The following ZYG11B variants were observed in gnomAD, a reference collection of about 807,000 sequenced individuals.
ZYG11B encodes zyg-11 family member B, cell cycle regulator.
Under a neutral mutation model 82.4 loss-of-function variants are expected in ZYG11B, and 36 were observed. That is an observed-to-expected ratio of 0.44 (90% CI 0.33 to 0.58). The LOEUF (loss-of-function observed/expected upper bound fraction) is 0.58. ZYG11B is among the 20% of genes least tolerant of loss of function. The pLI, the probability that ZYG11B is intolerant of heterozygous loss-of-function variation, is 0.02. For missense variants in ZYG11B, 552 were observed against 895.6 expected (o/e 0.62, Z 4.90); for synonymous variants, 303 against 312.8 (o/e 0.97, Z 0.33).
chr1:52,768,300 CA>C (rs1157547823), intron 2 of ZYG11B, among the ~76,000 whole-genome samples: 3 of 152,140 alleles, frequency 2.0e-5, no homozygotes, highest in Non-Finnish European at 4.4e-5. Context: ...AGAAAAAAAC[CA>C]GGAACTTTTC....
chr1:52,778,127 A>G (rs1409141901), intron 3 of ZYG11B, among the ~76,000 whole-genome samples: 3 of 152,158 alleles, frequency 2.0e-5, no homozygotes, highest in African/African-American at 7.2e-5. Flanking sequence ...TGACCCAACT[A>G]TTTAGGCACC....
chr1:52,794,343 A>C (rs1644988983), intron 6 of ZYG11B, among the ~76,000 whole-genome samples: 1 of 152,184 alleles, frequency 6.6e-6, no homozygotes, highest in Non-Finnish European at 1.5e-5. Flanking sequence ...CCAATTAGGA[A>C]TATATTGTAG....
intron 1 of ZYG11B, among the ~76,000 whole-genome samples, chr1:52,747,765 T>A (rs1210871582): frequency 6.6e-6 from 1 of 152,080 alleles, no homozygotes; most frequent in Non-Finnish European, 1.5e-5. Flanking sequence ...GAATCAGATA[T>A]AAAGGGCAGT....
rs774253018 is a variant in ZYG11B, at chr1:52,756,583, G to A, written c.156G>A (p.Gln52=). Residue 52 remains glutamine, a synonymous_variant, in exon 2 of 14, where the codon CAG becomes CAA. Coordinates refer to ENST00000294353, the MANE Select transcript of ZYG11B (RefSeq NM_024646.3). The part of the protein sequence containing the change: ...LCLQEPGVFP[Q]EVADRLLRTM... ...TGCAGGAACCTGGAGTATTCCCACA[G>A]GAGGTGGCTGATCGACTGCTTCGGA... is the stretch of plus-strand genomic sequence containing the variant. The A allele has an allele frequency of 6.2e-7, 1 of 1,613,912 alleles. No individual in the cohort carries two copies. Among genetic ancestry groups the A allele is most frequent in the Non-Finnish European group, 8.5e-7 (1 of 1,179,974 alleles).
intron 13 of ZYG11B, among the ~76,000 whole-genome samples, chr1:52,820,278 C>CA (rs1263911992): frequency 1.3e-5 from 2 of 151,800 alleles, no homozygotes; most frequent in Non-Finnish European, 2.9e-5. Flanking sequence ...GTCTCCAACT[C>CA]AGATAGTTTA....
At chr1:52,728,267 T>C (rs1644301524) in intron 1 of ZYG11B, among the ~76,000 whole-genome samples, 1 of 152,166 alleles carries the variant, frequency 6.6e-6, no homozygotes, top group Non-Finnish European at 1.5e-5. Flanking sequence ...AGTTTGAGAA[T>C]TGTTGTTTGG....
rs1191138861 is a variant in ZYG11B at position 52,779,879 on chromosome 1, G to A, written c.978G>A (p.Gln326=). Residue 326 remains glutamine (Q), a synonymous_variant, in exon 4 of 14, where the codon CAG becomes CAA. Coordinates refer to ENST00000294353, the MANE Select transcript of ZYG11B (RefSeq NM_024646.3). The part of the protein sequence containing the change: ...LKVSGEANET[Q]IAEALKRYSE... The stretch of plus-strand genomic sequence containing the variant: ...TGTCTGGGGAAGCCAATGAAACTCA[G>A]ATTGCAGAAGCACTGAAGCGTTACA... 2 of 1,614,108 alleles carry A rather than the reference G, an allele frequency of 1.2e-6. No homozygotes were observed. Among genetic ancestry groups the A allele is most frequent in the Middle Eastern group, 1.6e-4 (1 of 6,062 alleles).
intron 1 of ZYG11B, among the ~76,000 whole-genome samples, chr1:52,730,768 C>G (rs881198): frequency 6.6e-6 from 1 of 151,248 alleles, no homozygotes; most frequent in Non-Finnish European, 1.5e-5. Flanking sequence ...TCACTTGAGC[C>G]CAGCAGTTCA....
At chr1:52,764,312 T>G (rs1206132110) in intron 2 of ZYG11B, among the ~76,000 whole-genome samples, 1 of 151,664 alleles carries the variant, frequency 6.6e-6, no homozygotes, top group African/African-American at 2.4e-5. Context: ...TTTTTGTATT[T>G]TTAGTAGAGA....
At chr1:52,814,985 CCT>C (rs1442450112) in intron 12 of ZYG11B, among the ~76,000 whole-genome samples, 1 of 151,816 alleles carries the variant, frequency 6.6e-6, no homozygotes, top group Non-Finnish European at 1.5e-5. Context: ...TGTTGAAACC[CCT>C]GTCTCTACTG....
chr1:52,735,588 G>A (rs1032398182), intron 1 of ZYG11B, among the ~76,000 whole-genome samples: 2 of 151,954 alleles, frequency 1.3e-5, no homozygotes, highest in African/African-American at 2.4e-5. Flanking sequence ...CCAGACTGGA[G>A]TGCAGTGGCG....
At chr1:52,770,137 G>A (rs1454565048) in intron 2 of ZYG11B, among the ~76,000 whole-genome samples, 2 of 144,908 alleles carry the variant, frequency 1.4e-5, no homozygotes, top group Admixed American at 1.4e-4. Flanking sequence ...TGTCACCCAG[G>A]CTGGTGTGCA....
Position 52,736,598 on chromosome 1 carries a change from AC to A in ZYG11B, c.30+9917del, listed in dbSNP as rs1265291815. On this transcript the variant is annotated intron_variant, in intron 1 of 13. Transcript: ENST00000294353. Reference sequence around the variant, plus strand: ...CTCCTGAGTAGCTGGGATTACAGGCACCTGCCACCATGCCCAGCTAATTTTT... The same window carrying A: ...CTCCTGAGTAGCTGGGATTACAGGCACTGCCACCATGCCCAGCTAATTTTT... Among the ~76,000 whole-genome samples, 10 of 152,108 alleles carry A rather than the reference AC, an allele frequency of 6.6e-5. No homozygotes were observed. The South Asian group carries it at 1.7e-3, about 25-fold the overall frequency.
chr1:52,783,869 T>C (rs28406819), intron 4 of ZYG11B, among the ~76,000 whole-genome samples: 14,827 of 145,552 alleles, frequency 0.1, 1,986 homozygotes, highest in East Asian at 0.35. Flanking sequence ...TGTATGTACA[T>C]ACACGTGTGT....
At chr1:52,819,476 A>T (rs1016297089) in intron 13 of ZYG11B, among the ~76,000 whole-genome samples, 3 of 152,122 alleles carry the variant, frequency 2.0e-5, no homozygotes, top group Non-Finnish European at 4.4e-5. Context: ...GAGAAAATAA[A>T]ACATAATAAG....
intron 1 of ZYG11B, among the ~76,000 whole-genome samples, chr1:52,750,070 G>C (rs767044024): frequency 1.8e-4 from 28 of 152,018 alleles, no homozygotes; most frequent in Non-Finnish European, 4.0e-4. Context: ...TTCTAGTCTT[G>C]TGTTTACACT....
At chr1:52,778,513 T>TA (rs1558130830) in intron 3 of ZYG11B, among the ~76,000 whole-genome samples, 1 of 152,218 alleles carries the variant, frequency 6.6e-6, no homozygotes, top group Non-Finnish European at 1.5e-5. Flanking sequence ...TAATTAGACT[T>TA]ACGTTAGATC....
intron 1 of ZYG11B, among the ~76,000 whole-genome samples, chr1:52,732,639 C>T (rs984888717): frequency 3.2e-4 from 48 of 152,302 alleles, no homozygotes; most frequent in African/African-American, 1.1e-3. Flanking sequence ...GTGGCACACA[C>T]CAGTAGTCCC....
chr1:52,726,711 C>G, intron 1 of ZYG11B, 28 bp downstream of exon 1: 1 of 1,465,660 alleles, frequency 6.8e-7, no homozygotes, highest in Non-Finnish European at 9.0e-7. Flanking sequence ...GCCCTAGCCG[C>G]AGCCGCCCGC....
Sources: allele counts gnomAD v4.1 joint callset (sites outside exome capture counted in the v4.1 genomes callset), GRCh38; gene constraint gnomAD v4.1.1; transcripts MANE v1.5; gene names NCBI Gene and HGNC (gene_info 2026-07-23, HGNC 2026-07-21).